The following CCT2 variants were observed in gnomAD, a reference collection of about 807,000 sequenced individuals.
The protein encoded by CCT2 is chaperonin containing TCP1 subunit 2, also known as T-complex protein 1 subunit beta.
Under a neutral mutation model 61.8 loss-of-function variants are expected in CCT2, and 18 were observed. The ratio of observed to expected loss-of-function variants is 0.29; its 90% CI spans 0.20 to 0.43. The LOEUF is 0.43. CCT2 is among the 20% of genes least tolerant of loss of function. The probability of loss-of-function intolerance (pLI) is 1.00; values close to 1 mark genes in which losing one functional copy is unlikely to be tolerated. For synonymous variants in CCT2, 248 were observed against 215.9 expected (o/e 1.15, Z -1.30); for missense variants, 556 against 656.9 (o/e 0.85, Z 1.68).
At chr12:69,596,348 G>T (rs1381554319) in intron 10 of CCT2, among the ~76,000 whole-genome samples, 1 of 152,148 alleles carries the variant, frequency 6.6e-6, no homozygotes, top group Non-Finnish European at 1.5e-5. Context: ...GGAAAAGAAG[G>T]GTTGATTGAT....
chr12:69,585,788 A>G, intron 1 of CCT2: 5 of 1,374,522 alleles, frequency 3.6e-6, no homozygotes, highest in Non-Finnish European at 4.7e-6. Context: ...TCCGCGCCTC[A>G]CCCGGAGCGA....
In CCT2 at chr12:69,587,541, CTT is replaced by C; in HGVS notation, c.182_183del (p.Leu61HisfsTer5). The C allele has an allele frequency of 6.2e-7, 1 of 1,613,628 alleles. No individual in the cohort carries two copies. On this transcript the variant is annotated frameshift_variant, in exon 4 of 16. Coordinates refer to ENST00000299300, the MANE Select transcript of CCT2 (RefSeq NM_006431.3). LOFTEE classifies it high-confidence loss of function. ...ILLSSGRDAS[L>X]MVTNDGATIL... ...TCTAAGCAGTGGACGAGATGCCTCT[CTT>C]ATGGTAACCAATGATGGTGCCACTA...
chr12:69,589,132 T>C, intron 6 of CCT2: 1 of 232,104 alleles, frequency 4.3e-6, no homozygotes, highest in East Asian at 1.2e-4. Context: ...TTCACCATGT[T>C]GCTCAGGCTG....
In CCT2 at chr12:69,585,666, G is replaced by T; in HGVS notation, c.3+142G>T. ...GCACATGGTGCGAGCCATGCGCGGG[G>T]CGTGCGGCCTGCGCCAGGCCAGCCG... is the stretch of plus-strand genomic sequence containing the variant. On this transcript the variant is annotated intron_variant, in intron 1 of 15. Transcript: ENST00000299300. 3 of 1,527,832 alleles carry T rather than the reference G, an allele frequency of 2.0e-6. No homozygotes were observed. In the South Asian group the frequency reaches 3.6e-5, roughly 19 times the overall value. The allele number at this position is 1,527,832 out of a possible 1,614,324, so 94.6% of individuals were successfully genotyped here.
chr12:69,592,135 T>G lies in CCT2; in HGVS notation c.726T>G (p.Thr242=). ...ATGCTAAAATTCTTATTGCAAATAC[T>G]GGTATGGATACAGACAAAATAAAGG... The part of the protein sequence containing the change: ...IENAKILIAN[T]GMDTDKIKIF... The change falls in exon 8 of 16, where the codon ACT becomes ACG. Residue 242 remains threonine (T), a synonymous_variant. Transcript: ENST00000299300. 1 of 1,580,060 alleles carries G rather than the reference T, an allele frequency of 6.3e-7. No homozygotes were observed. Among genetic ancestry groups the G allele is most frequent in the African/African-American group, 1.3e-5 (1 of 74,342 alleles).
chr12:69,597,922 G>T, intron 12 of CCT2, 46 bp from the exon 13 acceptor site: 1 of 1,509,918 alleles, frequency 6.6e-7, no homozygotes, highest in Non-Finnish European at 9.2e-7. Flanking sequence ...CAGTATCTTG[G>T]AGACAACTAA....
intron 10 of CCT2, among the ~76,000 whole-genome samples, chr12:69,596,625 A>G (rs1317839340): frequency 8.5e-5 from 13 of 152,164 alleles, no homozygotes; most frequent in Admixed American, 8.5e-4. Context: ...ATAATTAGAG[A>G]TATCAGGTGC....
rs761524040 is a variant in CCT2, at chr12:69,601,373, T to G, written c.*48T>G. ...TTTGGACCAGTTTCTAGCAAAGTTG[T>G]GTTTGAAAGATACTCTATTAAAGAA... is the stretch of plus-strand genomic sequence containing the variant. On this transcript the variant is annotated 3_prime_UTR_variant, in exon 16 of 16. Transcript: ENST00000299300. The G allele has an allele frequency of 4.3e-6, 7 of 1,613,926 alleles. No individual in the cohort carries two copies. Among genetic ancestry groups the G allele is most frequent in the Non-Finnish European group, 5.9e-6 (7 of 1,179,854 alleles).
intron 10 of CCT2, among the ~76,000 whole-genome samples, chr12:69,594,376 C>A (rs1429269865): frequency 1.3e-5 from 2 of 152,106 alleles, no homozygotes; most frequent in Non-Finnish European, 2.9e-5. Context: ...AGTACTGAAA[C>A]ATTGCTTTTG....
intron 13 of CCT2, 41 bp from the exon 14 acceptor site, chr12:69,598,281 A>G: frequency 7.3e-7 from 1 of 1,374,842 alleles, no homozygotes. Flanking sequence ...AGTGGTTCTT[A>G]CAGTAGAGTG....
Position 69,601,430 on chromosome 12 carries a change from TATCC to T in CCT2, c.*106_*109del. On this transcript the variant is annotated 3_prime_UTR_variant, in exon 16 of 16. Coordinates refer to ENST00000299300, the MANE Select transcript of CCT2 (RefSeq NM_006431.3). ...GGAATCTGTTTATCGGTGCCCATTA[TATCC>T]TTAAGTTTGGATATTTAGCTGACCT... The T allele has an allele frequency of 3.1e-6, 5 of 1,602,650 alleles. No individual in the cohort carries two copies. Among genetic ancestry groups the T allele is most frequent in the Non-Finnish European group, 4.3e-6 (5 of 1,176,068 alleles).
chr12:69,592,298 A>G, intron 8 of CCT2, 139 bp downstream of exon 8: 1 of 488,940 alleles, frequency 2.0e-6, no homozygotes, highest in Non-Finnish European at 3.8e-6. Context: ...CAACATGGAG[A>G]AACCCTGTCT....
At position 69,586,529 on chromosome 12, in the gene CCT2, G is replaced by A. The variant is rs149345900; in HGVS notation, c.78+185G>A. On this transcript the variant is annotated intron_variant, in intron 2 of 15. Transcript: ENST00000299300. Reference sequence around the variant, plus strand: ...CTAGAAATACAAAAATTAGCCGGGCGTGGTGATGGGCACCTGTAATCCCAG... The same window carrying A: ...CTAGAAATACAAAAATTAGCCGGGCATGGTGATGGGCACCTGTAATCCCAG... Among the ~76,000 whole-genome samples the A allele has an allele frequency of 6.6e-3, 1,001 of 152,204 alleles. 16 individuals are homozygous for A. Among genetic ancestry groups the A allele is most frequent in the African/African-American group, 0.023 (953 of 41,528 alleles).
At position 69,599,037 on chromosome 12, in the gene CCT2, T is replaced by C. The variant is rs35640; in HGVS notation, c.1435+616T>C. On this transcript the variant is annotated intron_variant, in intron 14 of 15. Transcript: ENST00000299300. ...TCCATTTGTTTTTTATTATTTGATA[T>C]GTTGTCTTCTATTAATATGGGTGAT... 0.031 allele frequency among the ~76,000 whole-genome samples: 4,743 copies of C among 152,288 alleles called. 410 individuals carry two copies. In the East Asian group the frequency reaches 0.37, roughly 12 times the overall value.
At chr12:69,585,947 A>G in intron 1 of CCT2, 12 of 1,280,878 alleles carry the variant, frequency 9.4e-6, no homozygotes, top group African/African-American at 1.5e-5. Flanking sequence ...GGCAGGCGTC[A>G]CCTTGATGGC....
At chr12:69,588,538 TA>T in intron 6 of CCT2, 2 of 262,294 alleles carry the variant, frequency 7.6e-6, no homozygotes, top group Non-Finnish European at 1.4e-5. Context: ...CCTAGTTAAA[TA>T]TTAAGCACAT....
Position 69,601,348 on chromosome 12 carries a change from T to C in CCT2, c.*23T>C. On this transcript the variant is annotated 3_prime_UTR_variant, in exon 16 of 16. Coordinates refer to ENST00000299300, the MANE Select transcript of CCT2 (RefSeq NM_006431.3). ...TAAGCATTCCCACGTGCTGTCGATC[T>C]TTGGACCAGTTTCTAGCAAAGTTGT... is the stretch of plus-strand genomic sequence containing the variant. 2 of 1,614,036 alleles carry C rather than the reference T, an allele frequency of 1.2e-6. No homozygotes were observed. Among genetic ancestry groups the C allele is most frequent in the Non-Finnish European group, 1.7e-6 (2 of 1,179,952 alleles).
chr12:69,593,437 C>T, intron 9 of CCT2, 73 bp from the exon 10 acceptor site: 1 of 952,752 alleles, frequency 1.0e-6, no homozygotes, highest in Non-Finnish European at 1.6e-6. Context: ...AAAATGTTTA[C>T]ATGTTTTTTA....
In CCT2 at chr12:69,593,593, A is replaced by G; in HGVS notation, c.962A>G (p.Glu321Gly). ...GAGCATGCAGATTTTGCAGGTGTGG[A>G]ACGCCTAGCTCTTGTCACAGGTATG... ...AIEHADFAGV[E>G]RLALVTGGEI... Residue 321 changes from glutamate to glycine, a missense_variant, in exon 10 of 16, where the codon GAA (glutamate) becomes GGA (glycine). Glu to Gly is a moderately conservative substitution (Grantham distance 98). Coordinates refer to ENST00000299300, the MANE Select transcript of CCT2 (RefSeq NM_006431.3). 6.2e-7 allele frequency: 1 copy of G among 1,609,186 alleles called. No homozygotes were observed. Among genetic ancestry groups the G allele is most frequent in the African/African-American group, 1.3e-5 (1 of 74,948 alleles).
Sources: allele counts gnomAD v4.1 joint callset (sites outside exome capture counted in the v4.1 genomes callset), GRCh38; gene constraint gnomAD v4.1.1; transcripts MANE v1.5; gene names NCBI Gene and HGNC (gene_info 2026-07-23, HGNC 2026-07-21).